The following TMEM260 variants were observed in gnomAD, a reference collection of about 807,000 sequenced individuals.
TMEM260 encodes the protein transmembrane protein 260, also known as protein O-mannosyl-transferase TMEM260.
In TMEM260, 82 loss-of-function variants were observed where a neutral mutation model predicts 88.9. That is an observed-to-expected ratio of 0.92 (90% CI 0.77 to 1.11). TMEM260 has a LOEUF of 1.11. Among genes scored for constraint, TMEM260 ranks in the 50% least tolerant of loss-of-function variants. The pLI, the probability that TMEM260 is intolerant of heterozygous loss-of-function variation, is 0.00. For synonymous variants in TMEM260, 314 were observed against 309.3 expected, an observed-to-expected ratio of 1.02 and a Z score of -0.16; for missense variants, 902 against 853.4, an observed-to-expected ratio of 1.06 and a Z score of -0.71.
chr14:56,626,436 T>C (rs1888249920), intron 12 of TMEM260, among the ~76,000 whole-genome samples: 2 of 152,176 alleles, frequency 1.3e-5, no homozygotes, highest in African/African-American at 4.8e-5. Flanking sequence ...ATGTCTACTA[T>C]GTTACAGCTT....
rs113323366 is a variant in TMEM260 at position 56,607,712 on chromosome 14, G to GTATA, written c.637-1386_637-1383dup. ...TATATACATAGGGACGTGTGTGTGT[G>GTATA]TATATATATATGTATTTATTTATGC... On this transcript the variant is annotated intron_variant, in intron 5 of 15. Transcript: ENST00000261556. 2.6e-5 allele frequency among the ~76,000 whole-genome samples: 4 copies of GTATA among 152,026 alleles called. No homozygotes were observed. In the South Asian group the frequency reaches 8.3e-4, roughly 32 times the overall value.
intron 2 of TMEM260, 80 bp from the exon 3 acceptor site, chr14:56,585,681 G>T: frequency 7.3e-7 from 1 of 1,373,808 alleles, no homozygotes; most frequent in South Asian, 1.4e-5. Context: ...CTTGAGAAAA[G>T]GGCTACTTTT....
At chr14:56,653,463 G>A (rs1469481373), downstream of TMEM260, among the ~76,000 whole-genome samples, 1 of 152,016 alleles carries the variant, frequency 6.6e-6, no homozygotes. Flanking sequence ...GCCAGGCACG[G>A]TGGCTCACAC....
intron 15 of TMEM260, among the ~76,000 whole-genome samples, chr14:56,645,610 T>A (rs926946797): frequency 9.7e-5 from 14 of 143,934 alleles, no homozygotes; most frequent in Non-Finnish European, 1.7e-4. Context: ...AACCTGCACG[T>A]TGTGCACATG....
chr14:56,654,418 G>A (rs1266962563), downstream of TMEM260, among the ~76,000 whole-genome samples: 1 of 152,110 alleles, frequency 6.6e-6, no homozygotes, highest in Admixed American at 6.5e-5. Context: ...TTTAGAGAAA[G>A]AAATATGTCC....
rs1413959781 is a variant in TMEM260, at chr14:56,612,242, T to C, written c.817-3T>C. The C allele has an allele frequency of 3.7e-6, 6 of 1,613,240 alleles. No homozygotes were observed. The highest frequency in any genetic ancestry group is 5.1e-6 in the Non-Finnish European group (6 of 1,179,360). On this transcript the variant is annotated splice_polypyrimidine_tract_variant and splice_region_variant and intron_variant, in intron 6 of 15. Transcript: ENST00000261556. ...CAGATAAACTTTTGTCTTTTGTGTTTAGGCCAAATCTGAAATAGGATCCAG... is the reference window on the plus strand; with the variant it reads ...CAGATAAACTTTTGTCTTTTGTGTTCAGGCCAAATCTGAAATAGGATCCAG...
chr14:56,640,272 C>A (rs1889478495), intron 15 of TMEM260, among the ~76,000 whole-genome samples: 1 of 152,180 alleles, frequency 6.6e-6, no homozygotes, highest in Non-Finnish European at 1.5e-5. Flanking sequence ...ACACCTCACA[C>A]AGCCGGGTAC....
chr14:56,607,535 G>C (rs1350084696), intron 5 of TMEM260, among the ~76,000 whole-genome samples: 1 of 152,168 alleles, frequency 6.6e-6, no homozygotes, highest in African/African-American at 2.4e-5. Flanking sequence ...ACTGGAGACA[G>C]AGCAGAAAGT....
chr14:56,584,484 G>A (rs1885359327), intron 1 of TMEM260, among the ~76,000 whole-genome samples: 1 of 152,096 alleles, frequency 6.6e-6, no homozygotes, highest in African/African-American at 2.4e-5. Context: ...GAAATAACGT[G>A]GAGTTAATAA....
chr14:56,613,866 C>T (rs1282140309), intron 7 of TMEM260: 1 of 148,472 alleles, frequency 6.7e-6, no homozygotes, highest in Non-Finnish European at 1.5e-5. Flanking sequence ...TTGAGACCAG[C>T]CTGGGCAACA....
intron 3 of TMEM260, among the ~76,000 whole-genome samples, chr14:56,594,466 G>A (rs1370287014): frequency 6.6e-6 from 1 of 152,092 alleles, no homozygotes; most frequent in Non-Finnish European, 1.5e-5. Context: ...AAAATAATAA[G>A]CATATTTGTT....
chr14:56,633,161 G>T lies in TMEM260; in HGVS notation c.1714G>T (p.Glu572Ter). The T allele has an allele frequency of 6.2e-7, 1 of 1,611,132 alleles. No individual in the cohort carries two copies. Among genetic ancestry groups the T allele is most frequent in the South Asian group, 1.1e-5 (1 of 90,768 alleles). ...LTKSIYNWTE[E>*]YGRFDPSSWE... is the part of the protein sequence containing the mutation. ...AAAAAGTATCTATAACTGGACCGAA[G>T]AATATGGAAGGTATGAACAGCAGTT... The change falls in exon 13 of 16, where the codon GAA (glutamate) becomes TAA (stop). Residue 572 changes from glutamate (E) to a stop codon, truncating the protein, a stop_gained. Transcript: ENST00000261556. LOFTEE classifies it high-confidence loss of function.
chr14:56,620,188 T>G (rs1330533309), intron 10 of TMEM260, among the ~76,000 whole-genome samples: 1 of 152,184 alleles, frequency 6.6e-6, no homozygotes, highest in Non-Finnish European at 1.5e-5. Flanking sequence ...AACTATTGTG[T>G]GCCAGGCTTA....
chr14:56,591,882 C>T (rs891943550), intron 3 of TMEM260, among the ~76,000 whole-genome samples: 1 of 152,078 alleles, frequency 6.6e-6, no homozygotes, highest in Non-Finnish European at 1.5e-5. Context: ...CTTTAAATAG[C>T]TTTATCATTT....
downstream of TMEM260, among the ~76,000 whole-genome samples, chr14:56,655,284 G>T (rs377707635): frequency 2.0e-5 from 3 of 151,546 alleles, no homozygotes; most frequent in Admixed American, 2.0e-4. Context: ...CAGCTACTCC[G>T]AAGGCTGAGG....
At chr14:56,650,588 CAG>C (rs1003931136), downstream of TMEM260, 2 of 152,418 alleles carry the variant, frequency 1.3e-5, no homozygotes, top group Non-Finnish European at 2.9e-5. Flanking sequence ...AAGCTTCAAA[CAG>C]AAATTGTGAA....
chr14:56,649,943 A>G (rs186845004), downstream of TMEM260: 1,333 of 337,054 alleles, frequency 4.0e-3, 10 homozygotes, highest in Non-Finnish European at 3.5e-3. Flanking sequence ...AAAAACTAGT[A>G]AACTGAGCTG....
intron 15 of TMEM260, among the ~76,000 whole-genome samples, chr14:56,641,074 A>C (rs1253051112): frequency 6.6e-6 from 1 of 151,662 alleles, no homozygotes; most frequent in East Asian, 1.9e-4. Flanking sequence ...GAATGGAACC[A>C]AGTTGGAAAA....
At chr14:56,633,805 C>A (rs2139628983) in intron 13 of TMEM260, among the ~76,000 whole-genome samples, 1 of 152,288 alleles carries the variant, frequency 6.6e-6, no homozygotes, top group Non-Finnish European at 1.5e-5. Flanking sequence ...CACACACACA[C>A]ACAGAGTCAC....
Sources: allele counts gnomAD v4.1 joint callset (sites outside exome capture counted in the v4.1 genomes callset), GRCh38; gene constraint gnomAD v4.1.1; transcripts MANE v1.5; gene names NCBI Gene and HGNC (gene_info 2026-07-23, HGNC 2026-07-21).